The following GTF2A1 variants were observed in gnomAD, a reference collection of about 807,000 sequenced individuals.
GTF2A1 encodes the protein general transcription factor IIA subunit 1, also known as transcription initiation factor IIA subunit 1.
A neutral mutation model predicts 54.1 loss-of-function variants in GTF2A1; 12 were observed. The ratio of observed to expected loss-of-function variants is 0.22; its 90% CI spans 0.14 to 0.36. The LOEUF is 0.36. GTF2A1 is among the 10% of genes least tolerant of loss of function. GTF2A1 has a pLI of 1.00. For missense variants in GTF2A1, 335 were observed against 442.2 expected, an observed-to-expected ratio of 0.76 and a Z score of 2.17; for synonymous variants, 145 against 152.0, an observed-to-expected ratio of 0.95 and a Z score of 0.34.
In GTF2A1 at chr14:81,192,735, T is replaced by C. The variant is rs1160374439; in HGVS notation, c.717A>G (p.Thr239=). 2.5e-6 allele frequency: 4 copies of C among 1,613,652 alleles called. No homozygotes were observed. The highest frequency in any genetic ancestry group is 1.1e-5 in the South Asian group (1 of 91,090). Reference sequence around the variant, plus strand: ...CTTGGGCTGGTGTAGGTGCTGCCACTGTCGTAGGTATAACTTGAGTCTTAT... The same window carrying C: ...CTTGGGCTGGTGTAGGTGCTGCCACCGTCGTAGGTATAACTTGAGTCTTAT... ...TGNKTQVIPT[T]VAAPTPAQAQ... The change falls in exon 7 of 9, where the codon ACA becomes ACG. Residue 239 remains threonine, a synonymous_variant. Coordinates refer to ENST00000553612, the MANE Select transcript of GTF2A1 (RefSeq NM_015859.4).
At chr14:81,221,159 G>C (rs1451950710), upstream of GTF2A1, 2 of 152,282 alleles carry the variant, frequency 1.3e-5, no homozygotes, top group Non-Finnish European at 2.9e-5. Flanking sequence ...CCTCTCCAAC[G>C]CTCGCGTGAT....
intron 4 of GTF2A1, among the ~76,000 whole-genome samples, chr14:81,200,325 T>C (rs140686509): frequency 6.4e-4 from 98 of 152,058 alleles, no homozygotes; most frequent in African/African-American, 2.2e-3. Context: ...TGCTTTTTGG[T>C]TTAAAAAAAA....
chr14:81,200,099 A>C (rs1423179233), intron 4 of GTF2A1, among the ~76,000 whole-genome samples: 1 of 152,214 alleles, frequency 6.6e-6, no homozygotes, highest in East Asian at 1.9e-4. Flanking sequence ...CTACAAGTAC[A>C]AACAGAGATC....
intron 2 of GTF2A1, chr14:81,209,916 A>G (rs1424099152): frequency 1.6e-6 from 2 of 1,274,682 alleles, no homozygotes; most frequent in Non-Finnish European, 2.0e-6. Context: ...TCTTCTGGGC[A>G]GCAACTGTCT....
intron 4 of GTF2A1, among the ~76,000 whole-genome samples, chr14:81,199,230 G>A (rs780555733): frequency 6.6e-6 from 1 of 151,934 alleles, no homozygotes; most frequent in Non-Finnish European, 1.5e-5. Context: ...TAGAATACAC[G>A]ACCCAATAAC....
At chr14:81,203,702 T>G (rs947043021) in intron 3 of GTF2A1, among the ~76,000 whole-genome samples, 198 bp downstream of exon 3, 3 of 152,176 alleles carry the variant, frequency 2.0e-5, no homozygotes, top group African/African-American at 7.2e-5. Context: ...TACAAATTTA[T>G]ATACATTTAC....
chr14:81,197,557 A>G (rs1893017932), intron 4 of GTF2A1, 73 bp from the exon 5 acceptor site: 1 of 821,192 alleles, frequency 1.2e-6, no homozygotes, highest in Non-Finnish European at 2.0e-6. Context: ...ATATTTTAAT[A>G]GTGTATGAAA....
chr14:81,200,993 A>AG (rs1488195059), intron 4 of GTF2A1, among the ~76,000 whole-genome samples: 1 of 152,024 alleles, frequency 6.6e-6, no homozygotes, highest in African/African-American at 2.4e-5. Flanking sequence ...ACATTTGTTG[A>AG]GAAATATTAT....
intron 8 of GTF2A1, among the ~76,000 whole-genome samples, chr14:81,181,870 C>T (rs1326060598): frequency 1.3e-5 from 2 of 152,158 alleles, no homozygotes; most frequent in Non-Finnish European, 2.9e-5. Flanking sequence ...AGATCTCATT[C>T]CTAAAATTCC....
At chr14:81,196,970 CA>C (rs1369807731) in intron 5 of GTF2A1, among the ~76,000 whole-genome samples, 1 of 151,978 alleles carries the variant, frequency 6.6e-6, no homozygotes, top group African/African-American at 2.4e-5. Context: ...ACCAATATGC[CA>C]AAACACATGA....
chr14:81,201,684 A>G, intron 3 of GTF2A1, 26 bp from the exon 4 acceptor site: 1 of 1,536,462 alleles, frequency 6.5e-7, no homozygotes, highest in African/African-American at 1.4e-5. Context: ...CGAACATGCA[A>G]ACAAGGAACC....
chr14:81,215,179 C>T (rs566155634), intron 2 of GTF2A1, among the ~76,000 whole-genome samples: 32 of 152,284 alleles, frequency 2.1e-4, no homozygotes, highest in Non-Finnish European at 2.6e-4. Context: ...GAATATCAAA[C>T]AATCAAATTT....
At chr14:81,209,837 C>T (rs1358369266) in intron 2 of GTF2A1, 2 of 876,552 alleles carry the variant, frequency 2.3e-6, no homozygotes, top group Non-Finnish European at 3.2e-6. Flanking sequence ...TCACTGCCTC[C>T]ATGCATAAAA....
intron 4 of GTF2A1, among the ~76,000 whole-genome samples, chr14:81,199,707 G>A (rs1440213936): frequency 6.6e-6 from 1 of 152,078 alleles, no homozygotes; most frequent in African/African-American, 2.4e-5. Flanking sequence ...CCTATGATTT[G>A]TTTAAATACA....
At chr14:81,210,273 A>G (rs1466430754) in intron 2 of GTF2A1, among the ~76,000 whole-genome samples, 2 of 152,246 alleles carry the variant, frequency 1.3e-5, no homozygotes, top group Admixed American at 1.3e-4. Flanking sequence ...TATAATGCCA[A>G]TTACCAAAAA....
chr14:81,220,183 G>A (rs1893590998), intron 1 of GTF2A1, among the ~76,000 whole-genome samples: 1 of 146,068 alleles, frequency 6.8e-6, no homozygotes, highest in Non-Finnish European at 1.5e-5. Context: ...CCGGCGGCCG[G>A]GTTCTGGGGC....
At position 81,180,312 on chromosome 14, in the gene GTF2A1, T is replaced by A. The variant is rs1358712108; in HGVS notation, c.1042A>T (p.Lys348Ter). 7.1e-7 allele frequency: 1 copy of A among 1,399,152 alleles called. No homozygotes were observed. The highest frequency in any genetic ancestry group is 1.0e-6 in the Non-Finnish European group (1 of 991,112). The allele number at this position is 1,399,152 out of a possible 1,614,324, so 86.7% of individuals were successfully genotyped here. The change falls in exon 9 of 9, where the codon AAA becomes TAA. Residue 348 changes from lysine to a stop codon, truncating the protein, a stop_gained. Coordinates refer to ENST00000553612, the MANE Select transcript of GTF2A1 (RefSeq NM_015859.4). LOFTEE classifies it high-confidence loss of function. ...QYDKIHRSKN[K>*]WKFHLKDGIM... ...CCATCCTTGAGATGAAATTTCCATTTGTTTTTACTTCTGTGTATCTAAACA... is the reference window on the plus strand; with the variant it reads ...CCATCCTTGAGATGAAATTTCCATTAGTTTTTACTTCTGTGTATCTAAACA...
At chr14:81,182,908 G>A (rs944578340) in intron 8 of GTF2A1, among the ~76,000 whole-genome samples, 1 of 152,056 alleles carries the variant, frequency 6.6e-6, no homozygotes, top group African/African-American at 2.4e-5. Flanking sequence ...CAGATGACAG[G>A]GCTAACTCTT....
chr14:81,217,734 G>A (rs1206948921), intron 1 of GTF2A1, among the ~76,000 whole-genome samples: 2 of 152,108 alleles, frequency 1.3e-5, no homozygotes, highest in African/African-American at 2.4e-5. Context: ...AGAGGGTGCA[G>A]TGAGCCAAGA....
Sources: allele counts gnomAD v4.1 joint callset (sites outside exome capture counted in the v4.1 genomes callset), GRCh38; gene constraint gnomAD v4.1.1; transcripts MANE v1.5; gene names NCBI Gene and HGNC (gene_info 2026-07-23, HGNC 2026-07-21).